Variants in ZFAND3 observed in about 807,000 individuals in gnomAD.
ZFAND3 encodes AN1-type zinc finger protein 3.
Under a neutral mutation model 29.6 loss-of-function variants are expected in ZFAND3, and 10 were observed. The observed-to-expected ratio is 0.34, with a 90% CI of 0.21 to 0.57. The LOEUF (loss-of-function observed/expected upper bound fraction) is 0.57, where lower values mean the gene tolerates loss of function less well. Ranked by LOEUF, ZFAND3 falls within the 20% of genes least tolerant of loss-of-function variation. ZFAND3 has a pLI of 0.86. For synonymous variants in ZFAND3, 128 were observed against 112.6 expected, an observed-to-expected ratio of 1.14 and a Z score of -0.87; for missense variants, 230 against 304.5, an observed-to-expected ratio of 0.76 and a Z score of 1.82.
chr6:37,922,390 CAT>C (rs774566412), intron 1 of ZFAND3, among the ~76,000 whole-genome samples: 11 of 151,498 alleles, frequency 7.3e-5, no homozygotes, highest in African/African-American at 2.2e-4. Context: ...GAGCAACACA[CAT>C]GTTTTTGAAG....
chr6:37,925,387 GACT>G (rs978298692), intron 1 of ZFAND3, among the ~76,000 whole-genome samples: 1 of 152,134 alleles, frequency 6.6e-6, no homozygotes, highest in Non-Finnish European at 1.5e-5. Context: ...GTATCTGTAA[GACT>G]ACAGGAAGGA....
chr6:37,854,447 C>G (rs1017485542), intron 1 of ZFAND3, among the ~76,000 whole-genome samples: 1 of 152,108 alleles, frequency 6.6e-6, no homozygotes, highest in South Asian at 2.1e-4. Context: ...TCCCTTTACT[C>G]TTTAGAGATT....
At chr6:37,922,535 C>T (rs1393535341) in intron 1 of ZFAND3, among the ~76,000 whole-genome samples, 7 of 152,138 alleles carry the variant, frequency 4.6e-5, no homozygotes, top group Admixed American at 1.3e-4. Context: ...TGCTTCATGA[C>T]GGGGACATAT....
At chr6:38,138,935 A>G (rs1229352117) in intron 5 of ZFAND3, among the ~76,000 whole-genome samples, 1 of 152,332 alleles carries the variant, frequency 6.6e-6, no homozygotes, top group East Asian at 1.9e-4. Context: ...AGATGGAAAT[A>G]TAAGTTCAAG....
At chr6:38,017,305 CAGG>C (rs1286769045) in intron 2 of ZFAND3, among the ~76,000 whole-genome samples, 11 of 152,152 alleles carry the variant, frequency 7.2e-5, no homozygotes, top group African/African-American at 2.7e-4. Context: ...GAATAAAGCA[CAGG>C]AGAAGGAACC....
intron 1 of ZFAND3, among the ~76,000 whole-genome samples, chr6:37,902,760 T>A (rs950462148): frequency 2.0e-5 from 3 of 147,932 alleles, no homozygotes; most frequent in Admixed American, 6.7e-5. Context: ...TTTTTTTTTT[T>A]AAGAGATGAT....
intron 4 of ZFAND3, among the ~76,000 whole-genome samples, chr6:38,103,422 CACACATATATATACACGTGTATATATAT>C (rs1562000226): frequency 5.0e-5 from 7 of 139,576 alleles, no homozygotes; most frequent in Non-Finnish European, 7.4e-5. Flanking sequence ...CGTATATACA[CACACATATATATACACGTGTATATATAT>C]ACACACATAT....
At chr6:37,875,685 G>T (rs1175677699) in intron 1 of ZFAND3, among the ~76,000 whole-genome samples, 3 of 150,764 alleles carry the variant, frequency 2.0e-5, no homozygotes, top group African/African-American at 7.3e-5. Context: ...TGTCAGGCTG[G>T]TCTTGCTATG....
chr6:37,974,383 ACTCT>A (rs58472302), intron 2 of ZFAND3, among the ~76,000 whole-genome samples: 35 of 104,472 alleles, frequency 3.4e-4, no homozygotes, highest in African/African-American at 8.0e-4. Context: ...TGCATTATAT[ACTCT>A]CTCTCTCTCT....
At chr6:38,059,790 T>C (rs1254625809) in intron 2 of ZFAND3, among the ~76,000 whole-genome samples, 1 of 151,980 alleles carries the variant, frequency 6.6e-6, no homozygotes, top group Non-Finnish European at 1.5e-5. Flanking sequence ...GCAGGAGAAT[T>C]GCTTGAGCCT....
chr6:38,054,425 C>T (rs567685821), intron 2 of ZFAND3, among the ~76,000 whole-genome samples: 1 of 147,102 alleles, frequency 6.8e-6, no homozygotes, highest in Non-Finnish European at 1.5e-5. Context: ...CAAGGAAGCA[C>T]ACAAAAACCG....
chr6:38,130,135 G>T (rs544667732), intron 5 of ZFAND3, among the ~76,000 whole-genome samples: 27 of 152,076 alleles, frequency 1.8e-4, no homozygotes, highest in African/African-American at 6.0e-4. Context: ...TTATTTGAGA[G>T]CTACTGATTT....
intron 4 of ZFAND3, among the ~76,000 whole-genome samples, chr6:38,095,014 T>C (rs1332267804): frequency 2.6e-5 from 4 of 152,330 alleles, no homozygotes; most frequent in Middle Eastern, 3.4e-3. Context: ...TCAACCTGTA[T>C]TTACAGTCAG....
rs928895105 is a variant in ZFAND3 at position 38,126,049 on chromosome 6, C to G, written c.529+9310C>G. Among the ~76,000 whole-genome samples the G allele has an allele frequency of 7.2e-5, 11 of 152,268 alleles. 1 individual carries two copies. Among genetic ancestry groups the G allele is most frequent in the Admixed American group, 3.3e-4 (5 of 15,300 alleles). ...AAATTCAGTTGTACAATACTTCCAT[C>G]ATCCCAAAAAGTTCCCTCATGCCCC... On this transcript the variant is annotated intron_variant, in intron 5 of 5. Transcript: ENST00000287218.
intron 3 of ZFAND3, among the ~76,000 whole-genome samples, chr6:38,075,897 G>A (rs906328341): frequency 6.6e-6 from 1 of 151,986 alleles, no homozygotes; most frequent in Non-Finnish European, 1.5e-5. Flanking sequence ...GACTACAGGC[G>A]CCCGCCACCA....
chr6:37,824,192 A>G (rs555889616), intron 1 of ZFAND3, among the ~76,000 whole-genome samples: 1 of 152,360 alleles, frequency 6.6e-6, no homozygotes, highest in South Asian at 2.1e-4. Flanking sequence ...TTTAGTACTC[A>G]GGCAAAAAAC....
At chr6:37,973,953 C>T (rs1458360134) in intron 2 of ZFAND3, among the ~76,000 whole-genome samples, 1 of 152,152 alleles carries the variant, frequency 6.6e-6, no homozygotes, top group East Asian at 1.9e-4. Context: ...GCTTTAGTGA[C>T]CGAGAGTTTA....
Position 38,131,570 on chromosome 6 carries a change from G to A in ZFAND3, c.529+14831G>A, listed in dbSNP as rs143693258. Among the ~76,000 whole-genome samples, 264 of 152,314 alleles carry A rather than the reference G, an allele frequency of 1.7e-3. 1 individual carries two copies. The highest frequency in any genetic ancestry group is 6.0e-3 in the African/African-American group (249 of 41,564). ...AAATGAGTAGTACCCACATCAATGA[G>A]GTTTCATATTGGTTCCAGTCACTTC... On this transcript the variant is annotated intron_variant, in intron 5 of 5. Coordinates refer to ENST00000287218, the MANE Select transcript of ZFAND3 (RefSeq NM_021943.3).
intron 2 of ZFAND3, among the ~76,000 whole-genome samples, chr6:38,058,904 G>A (rs1233567978): frequency 9.2e-5 from 14 of 152,062 alleles, no homozygotes; most frequent in Non-Finnish European, 1.2e-4. Flanking sequence ...CATAATAAAC[G>A]CATCATAAAT....
Sources: gnomAD v4.1 joint callset for allele counts (sites outside exome capture counted in the v4.1 genomes callset) on GRCh38, gnomAD v4.1.1 for gene constraint, MANE v1.5 for transcripts, NCBI Gene and HGNC (gene_info 2026-07-23, HGNC 2026-07-21) for gene names.